DGKB: variants seen among roughly 807,000 people sequenced by gnomAD.
DGKB encodes the protein 90 kDa diacylglycerol kinase.
DGKB carries 67 observed loss-of-function variants against 114.3 expected under a neutral mutation model. The observed-to-expected ratio is 0.59, with a 90% CI of 0.48 to 0.72. The LOEUF is 0.72. Ranked by LOEUF, DGKB falls within the 30% of genes least tolerant of loss-of-function variation. The pLI is 0.00. For missense variants in DGKB, 907 were observed against 975.2 expected, an observed-to-expected ratio of 0.93 and a Z score of 0.93; for synonymous variants, 398 against 323.1, an observed-to-expected ratio of 1.23 and a Z score of -2.49.
At chr7:14,961,744 A>C (rs1211946752) in intron 1 of DGKB, among the ~76,000 whole-genome samples, 1 of 152,072 alleles carries the variant, frequency 6.6e-6, no homozygotes, top group Non-Finnish European at 1.5e-5. Context: ...AGATTTTATA[A>C]AATCCAAACT....
Position 14,145,843 on chromosome 7 carries a change from G to A in DGKB, c.*3288C>T, listed in dbSNP as rs1480745344. 6.6e-6 allele frequency: 1 copy of A among 152,190 alleles called. No homozygotes were observed. The highest frequency in any genetic ancestry group is 1.5e-5 in the Non-Finnish European group (1 of 68,028). The allele number at this position is 152,190 out of a possible 1,614,324, so 9.4% of individuals were successfully genotyped here. On this transcript the variant is annotated 3_prime_UTR_variant, in exon 26 of 26. Transcript: ENST00000402815. ...GATCTCAAAATCTTGTCTCATTCAA[G>A]AATACAGTGTGAGATTCAAGGAGAA...
At chr7:14,282,383 C>A (rs1215615607) in intron 23 of DGKB, among the ~76,000 whole-genome samples, 10 of 130,988 alleles carry the variant, frequency 7.6e-5, no homozygotes, top group Non-Finnish European at 1.1e-4. Context: ...GCTTACCAAC[C>A]AAAAAGAGTC....
At chr7:14,448,872 T>A (rs935459937) in intron 21 of DGKB, among the ~76,000 whole-genome samples, 1 of 152,054 alleles carries the variant, frequency 6.6e-6, no homozygotes, top group African/African-American at 2.4e-5. Flanking sequence ...TTAAGATTAA[T>A]TTGAGTGCAA....
intron 23 of DGKB, among the ~76,000 whole-genome samples, chr7:14,187,433 C>G (rs971632555): frequency 2.0e-5 from 3 of 152,184 alleles, no homozygotes; most frequent in Non-Finnish European, 4.4e-5. Flanking sequence ...TGCCTGGCAC[C>G]ATTGCTCTCA....
At chr7:14,175,790 C>A (rs1781634846) in intron 25 of DGKB, among the ~76,000 whole-genome samples, 1 of 151,950 alleles carries the variant, frequency 6.6e-6, no homozygotes, top group Non-Finnish European at 1.5e-5. Context: ...AAGCTTTGGT[C>A]ACACCACCCT....
rs196752 is a variant in DGKB, at chr7:14,436,586, A to T, written c.1835+41575T>A. 2.0e-5 allele frequency among the ~76,000 whole-genome samples: 3 copies of T among 152,084 alleles called. No individual in the cohort carries two copies. In the South Asian group the frequency reaches 6.2e-4, roughly 32 times the overall value. On this transcript the variant is annotated intron_variant, in intron 21 of 25. Transcript: ENST00000402815. ...CTCTTTCCCTAGAAAAAGCAGATCA[A>T]CACCCTTCTTTCCAAAATGCAGCAT...
At chr7:14,748,217 C>T (rs1487122461) in intron 4 of DGKB, among the ~76,000 whole-genome samples, 3 of 152,112 alleles carry the variant, frequency 2.0e-5, no homozygotes, top group African/African-American at 7.2e-5. Context: ...CACAAAATTC[C>T]TTCCATGAGG....
At chr7:14,767,241 G>C (rs1368955676) in intron 2 of DGKB, among the ~76,000 whole-genome samples, 2 of 151,830 alleles carry the variant, frequency 1.3e-5, no homozygotes. Context: ...CCACTAGAAT[G>C]TTGTCCTTTA....
At chr7:14,169,953 G>T (rs1312692375) in intron 25 of DGKB, among the ~76,000 whole-genome samples, 2 of 151,680 alleles carry the variant, frequency 1.3e-5, no homozygotes, top group East Asian at 3.9e-4. Context: ...TGACCAACAT[G>T]GAGAAACCCC....
At chr7:14,837,840 A>G (rs375196374) in intron 2 of DGKB, among the ~76,000 whole-genome samples, 1 of 152,214 alleles carries the variant, frequency 6.6e-6, no homozygotes, top group East Asian at 1.9e-4. Flanking sequence ...GGTTCTAATC[A>G]TGATATTCTT....
At chr7:14,409,033 T>C (rs1824414729) in intron 21 of DGKB, among the ~76,000 whole-genome samples, 1 of 152,090 alleles carries the variant, frequency 6.6e-6, no homozygotes, top group Admixed American at 6.6e-5. Flanking sequence ...TTGCAAACAA[T>C]ACATGGCACC....
intron 1 of DGKB, among the ~76,000 whole-genome samples, chr7:14,959,423 T>A (rs1007632367): frequency 3.3e-5 from 5 of 151,762 alleles, no homozygotes; most frequent in Non-Finnish European, 7.4e-5. Context: ...GCATTTTAGA[T>A]GGGAGGGGAG....
At chr7:14,791,429 A>T (rs775446232) in intron 2 of DGKB, among the ~76,000 whole-genome samples, 6 of 152,000 alleles carry the variant, frequency 3.9e-5, no homozygotes, top group Non-Finnish European at 7.4e-5. Flanking sequence ...GTCTTATTGC[A>T]CTGGCTAGAA....
chr7:14,196,525 A>G (rs1036361413), intron 23 of DGKB, among the ~76,000 whole-genome samples: 3 of 152,164 alleles, frequency 2.0e-5, no homozygotes, highest in African/African-American at 2.4e-5. Flanking sequence ...AAAAAGAATT[A>G]TATTACTGTC....
chr7:14,592,572 A>T (rs908304847), intron 17 of DGKB, among the ~76,000 whole-genome samples: 2 of 151,944 alleles, frequency 1.3e-5, no homozygotes, highest in Admixed American at 1.3e-4. Flanking sequence ...TATGGTCTAG[A>T]AAACCAATTT....
intron 6 of DGKB, among the ~76,000 whole-genome samples, chr7:14,715,477 T>G (rs550291876): frequency 6.6e-6 from 1 of 152,058 alleles, no homozygotes; most frequent in Non-Finnish European, 1.5e-5. Flanking sequence ...TGTTGGTAAT[T>G]GGTACCAACA....
intron 15 of DGKB, among the ~76,000 whole-genome samples, chr7:14,613,798 A>G (rs1806026528): frequency 6.6e-6 from 1 of 152,066 alleles, no homozygotes; most frequent in African/African-American, 2.4e-5. Flanking sequence ...GAAAGAGATC[A>G]ACTTATAGAG....
intron 20 of DGKB, among the ~76,000 whole-genome samples, chr7:14,525,750 T>G (rs1007566990): frequency 6.6e-6 from 1 of 152,212 alleles, no homozygotes; most frequent in African/African-American, 2.4e-5. Context: ...ATTTGTGTAA[T>G]AGAAAAATTT....
chr7:14,426,274 G>C (rs544157541), intron 21 of DGKB, among the ~76,000 whole-genome samples: 4 of 152,228 alleles, frequency 2.6e-5, no homozygotes, highest in Admixed American at 1.3e-4. Flanking sequence ...TATGTATAAA[G>C]GATAAGATTG....
Sources: allele counts gnomAD v4.1 joint callset (sites outside exome capture counted in the v4.1 genomes callset), GRCh38; gene constraint gnomAD v4.1.1; transcripts MANE v1.5; gene names NCBI Gene and HGNC (gene_info 2026-07-23, HGNC 2026-07-21).